PBX1: variants seen among roughly 807,000 people sequenced by gnomAD.
PBX1 encodes PBX homeobox 1, also known as pre-B-cell leukemia transcription factor 1.
A neutral mutation model predicts 53.4 loss-of-function variants in PBX1; 6 were observed. The observed-to-expected ratio is 0.11, with a 90% CI of 0.06 to 0.22. The LOEUF (loss-of-function observed/expected upper bound fraction) is 0.22, where lower values mean the gene tolerates loss of function less well. PBX1 is among the 10% of genes least tolerant of loss of function. PBX1 has a pLI of 1.00. For synonymous variants in PBX1, 204 were observed against 212.3 expected (o/e 0.96, Z 0.34); for missense variants, 251 against 551.4 (o/e 0.46, Z 5.46).
At chr1:164,868,832 T>C (rs1672281636) in intron 2 of PBX1, among the ~76,000 whole-genome samples, 1 of 152,136 alleles carries the variant, frequency 6.6e-6, no homozygotes, top group African/African-American at 2.4e-5. Flanking sequence ...GTTACAACCA[T>C]TGTGATTCAG....
intron 2 of PBX1, among the ~76,000 whole-genome samples, chr1:164,580,857 G>A (rs1654567843): frequency 6.6e-6 from 1 of 152,192 alleles, no homozygotes; most frequent in Non-Finnish European, 1.5e-5. Flanking sequence ...GGGATTATAG[G>A]TATGAGCCAC....
chr1:164,791,437 C>T (rs996688008), intron 2 of PBX1, among the ~76,000 whole-genome samples: 1 of 152,134 alleles, frequency 6.6e-6, no homozygotes, highest in African/African-American at 2.4e-5. Flanking sequence ...GGACAGAGTC[C>T]TTATCACTCG....
intron 2 of PBX1, among the ~76,000 whole-genome samples, chr1:164,662,834 TTA>T (rs200440226): frequency 0.071 from 6,729 of 95,090 alleles, 323 homozygotes; most frequent in African/African-American, 0.14. Context: ...GTGTGAACAT[TTA>T]TTTTTTTTCT....
At chr1:164,561,913 C>G (rs1043475285) in intron 1 of PBX1, among the ~76,000 whole-genome samples, 1 of 151,514 alleles carries the variant, frequency 6.6e-6, no homozygotes, top group African/African-American at 2.4e-5. Context: ...TTTAAAAGAC[C>G]CAGGAAAGGT....
chr1:164,623,779 C>T (rs1464353545), intron 2 of PBX1, among the ~76,000 whole-genome samples: 1 of 152,206 alleles, frequency 6.6e-6, no homozygotes, highest in Admixed American at 6.5e-5. Context: ...TCGAGTCGTG[C>T]CTAACGACGT....
chr1:164,827,203 A>G (rs1246053891), intron 8 of PBX1, among the ~76,000 whole-genome samples: 1 of 152,356 alleles, frequency 6.6e-6, no homozygotes, highest in East Asian at 1.9e-4. Flanking sequence ...ATATATTAGT[A>G]AGATGTTGCC....
At chr1:164,783,422 G>A (rs1478301417) in intron 2 of PBX1, among the ~76,000 whole-genome samples, 1 of 152,110 alleles carries the variant, frequency 6.6e-6, no homozygotes, top group Non-Finnish European at 1.5e-5. Context: ...GCGTGTATGT[G>A]TGTATGTATA....
chr1:164,595,664 T>G (rs1445408670), intron 2 of PBX1, among the ~76,000 whole-genome samples: 1 of 152,120 alleles, frequency 6.6e-6, no homozygotes, highest in Non-Finnish European at 1.5e-5. Context: ...AAACCACCAG[T>G]GGGAAATCTT....
In PBX1 at chr1:164,559,802, G is replaced by C. The variant is rs1652893289; in HGVS notation, c.-21G>C. 23 of 1,527,848 alleles carry C rather than the reference G, an allele frequency of 1.5e-5. No individual in the cohort carries two copies. The highest frequency in any genetic ancestry group is 1.8e-5 in the Non-Finnish European group (21 of 1,135,574). 94.6% of individuals were successfully genotyped at this position (1,527,848 alleles called of 1,614,324 possible). On this transcript the variant is annotated 5_prime_UTR_variant, in exon 1 of 9. Transcript: ENST00000420696. ...CGAGGAGCAGAAGAGGAAGAGCCGGGGGCTGCCGTAGCCTTTGGAGATGGA... is the reference window on the plus strand; with the variant it reads ...CGAGGAGCAGAAGAGGAAGAGCCGGCGGCTGCCGTAGCCTTTGGAGATGGA...
intron 2 of PBX1, among the ~76,000 whole-genome samples, chr1:164,612,368 A>C (rs1430018046): frequency 6.6e-6 from 1 of 152,114 alleles, no homozygotes; most frequent in African/African-American, 2.4e-5. Context: ...CTAATCTAGA[A>C]AGTGACCACA....
intron 2 of PBX1, among the ~76,000 whole-genome samples, chr1:164,705,978 A>C (rs1663399978): frequency 6.6e-6 from 1 of 152,200 alleles, no homozygotes; most frequent in African/African-American, 2.4e-5. Context: ...AAATAAGCTA[A>C]AATGTTTTCA....
At chr1:164,743,745 C>T (rs972352092) in intron 2 of PBX1, among the ~76,000 whole-genome samples, 5 of 151,984 alleles carry the variant, frequency 3.3e-5, no homozygotes, top group African/African-American at 1.2e-4. Flanking sequence ...GATTTTCTAC[C>T]CATCACATCA....
intron 2 of PBX1, among the ~76,000 whole-genome samples, chr1:164,884,869 T>C (rs574430769): frequency 6.6e-6 from 1 of 152,258 alleles, no homozygotes; most frequent in East Asian, 1.9e-4. Context: ...CCATATAACA[T>C]AAAATGTGAT....
intron 2 of PBX1, among the ~76,000 whole-genome samples, chr1:164,588,349 A>G (rs1655095216): frequency 8.7e-6 from 1 of 115,020 alleles, no homozygotes; most frequent in Admixed American, 1.0e-4. Flanking sequence ...GTGCTTTTTA[A>G]AAACTACAGT....
chr1:164,698,903 A>C (rs536362899), intron 2 of PBX1, among the ~76,000 whole-genome samples: 17 of 151,526 alleles, frequency 1.1e-4, no homozygotes, highest in Non-Finnish European at 2.2e-4. Flanking sequence ...GACAGAGCAC[A>C]GGGGGGTTTT....
chr1:164,570,068 A>G (rs867699325), intron 2 of PBX1, among the ~76,000 whole-genome samples: 2 of 152,224 alleles, frequency 1.3e-5, no homozygotes, highest in Non-Finnish European at 2.9e-5. Context: ...AGCGTCAGCA[A>G]CTGGAGGCAT....
chr1:164,574,843 G>A (rs1280924508), intron 2 of PBX1, among the ~76,000 whole-genome samples: 1 of 152,148 alleles, frequency 6.6e-6, no homozygotes, highest in Non-Finnish European at 1.5e-5. Flanking sequence ...TTAGCTGGGT[G>A]TGGTGGTGGG....
intron 2 of PBX1, among the ~76,000 whole-genome samples, chr1:164,775,690 G>A (rs1451488663): frequency 6.6e-6 from 1 of 152,112 alleles, no homozygotes; most frequent in Non-Finnish European, 1.5e-5. Flanking sequence ...TCCCTTTTGC[G>A]GGGTATTTTG....
At chr1:164,570,955 C>T (rs977893041) in intron 2 of PBX1, among the ~76,000 whole-genome samples, 1 of 152,108 alleles carries the variant, frequency 6.6e-6, no homozygotes, top group African/African-American at 2.4e-5. Flanking sequence ...CTCTAATGAC[C>T]AGTGATGATG....
Sources: gnomAD v4.1 joint callset for allele counts (sites outside exome capture counted in the v4.1 genomes callset) on GRCh38, gnomAD v4.1.1 for gene constraint, MANE v1.5 for transcripts, NCBI Gene and HGNC (gene_info 2026-07-23, HGNC 2026-07-21) for gene names.